The following CFHR5 variants were observed in gnomAD, a reference collection of about 807,000 sequenced individuals.
The protein encoded by CFHR5 is complement factor H-related protein 5.
In CFHR5, 73 loss-of-function variants were observed where a neutral mutation model predicts 62.9. The ratio of observed to expected loss-of-function variants is 1.16; its 90% CI spans 0.96 to 1.41. The LOEUF (loss-of-function observed/expected upper bound fraction) is 1.41, where lower values mean the gene tolerates loss of function less well. Among genes scored for constraint, CFHR5 ranks in the 40% most tolerant of loss-of-function variants. The pLI is 0.00. For missense variants in CFHR5, 779 were observed against 679.9 expected (o/e 1.15, Z -1.62); for synonymous variants, 249 against 227.2 (o/e 1.10, Z -0.86).
intron 8 of CFHR5, among the ~76,000 whole-genome samples, chr1:197,003,959 A>G (rs1053151988): frequency 6.6e-6 from 1 of 152,152 alleles, no homozygotes; most frequent in African/African-American, 2.4e-5. Context: ...GTCATCATGA[A>G]GAAGTCAATC....
intron 1 of CFHR5, among the ~76,000 whole-genome samples, chr1:196,982,567 G>A (rs894057821): frequency 1.3e-5 from 2 of 152,046 alleles, no homozygotes; most frequent in Non-Finnish European, 2.9e-5. Context: ...CAGGTACTCA[G>A]GAGGCTGAGG....
chr1:196,993,967 A>AAT, intron 3 of CFHR5, 113 bp from the exon 4 acceptor site: 1 of 811,530 alleles, frequency 1.2e-6, no homozygotes, highest in Non-Finnish European at 2.0e-6. Flanking sequence ...CGAAGGCAAG[A>AAT]ATATATTTTA....
At chr1:196,998,933 G>C (rs577348142) in intron 7 of CFHR5, among the ~76,000 whole-genome samples, 2 of 151,998 alleles carry the variant, frequency 1.3e-5, no homozygotes, top group African/African-American at 4.8e-5. Flanking sequence ...CATCAGCAAC[G>C]TCAAAAGCCG....
chr1:196,994,569 C>T (rs573200976), intron 4 of CFHR5, among the ~76,000 whole-genome samples: 23 of 152,074 alleles, frequency 1.5e-4, no homozygotes, highest in African/African-American at 5.1e-4. Context: ...AAATATTGTA[C>T]GAACAATGTT....
intron 1 of CFHR5, among the ~76,000 whole-genome samples, chr1:196,979,252 TTGTCTGTG>T (rs1653473980): frequency 9.9e-6 from 1 of 100,932 alleles, no homozygotes; most frequent in Non-Finnish European, 1.8e-5. Context: ...ATATAGGTAA[TTGTCTGTG>T]TGTGTGTGTG....
upstream of CFHR5, among the ~76,000 whole-genome samples, chr1:196,975,201 T>C (rs567937687): frequency 1.1e-3 from 162 of 152,288 alleles, no homozygotes; most frequent in South Asian, 0.015. Context: ...AAGAAGGCAT[T>C]GGTGACTGTT....
intron 3 of CFHR5, among the ~76,000 whole-genome samples, chr1:196,989,932 CT>C (rs1653797901): frequency 6.6e-6 from 1 of 151,956 alleles, no homozygotes; most frequent in Non-Finnish European, 1.5e-5. Context: ...CCTTGTTAAC[CT>C]TTTGTCTCAT....
In CFHR5 at chr1:196,985,397, T is replaced by C. The variant is rs574297260; in HGVS notation, c.430+1260T>C. 2.6e-5 allele frequency among the ~76,000 whole-genome samples: 4 copies of C among 151,692 alleles called. No homozygotes were observed. In the South Asian group the frequency reaches 8.3e-4, roughly 32 times the overall value. ...GAAATTTAAACCTCTAGAAATGGAG[T>C]CTTTTTAAAACAGCTGGAACTGCGA... On this transcript the variant is annotated intron_variant, in intron 3 of 9. Coordinates refer to ENST00000256785, the MANE Select transcript of CFHR5 (RefSeq NM_030787.4).
intron 6 of CFHR5, among the ~76,000 whole-genome samples, chr1:196,997,868 C>T (rs1447397535): frequency 2.0e-5 from 3 of 152,120 alleles, no homozygotes; most frequent in Admixed American, 6.6e-5. Context: ...ATCTTTCAGT[C>T]AAAACTCCCA....
intron 9 of CFHR5, among the ~76,000 whole-genome samples, chr1:197,007,422 T>C (rs1654316790): frequency 1.3e-5 from 2 of 151,958 alleles, no homozygotes; most frequent in South Asian, 2.1e-4. Flanking sequence ...GAAAAACATA[T>C]GGCAAACATG....
chr1:196,988,851 C>A (rs886772622), intron 3 of CFHR5, among the ~76,000 whole-genome samples: 10 of 152,038 alleles, frequency 6.6e-5, no homozygotes, highest in African/African-American at 2.2e-4. Context: ...TGTGTCTCTG[C>A]CAGTCTTTGG....
rs887005099 is a variant in CFHR5 at position 196,999,657 on chromosome 1, C to T, written c.1147+1353C>T. On this transcript the variant is annotated intron_variant, in intron 7 of 9. Coordinates refer to ENST00000256785, the MANE Select transcript of CFHR5 (RefSeq NM_030787.4). ...TTTAGAATGATGTGGCATTCATAGT[C>T]TTAAACTTATCTATTTTGGGAAAAA... Among the ~76,000 whole-genome samples the T allele has an allele frequency of 5.4e-4, 76 of 141,644 alleles. 1 individual carries two copies. Among genetic ancestry groups the T allele is most frequent in the African/African-American group, 1.9e-3 (74 of 38,038 alleles). The allele number at this position is 141,644 out of a possible 152,430, so 92.9% of individuals were successfully genotyped here. A position where few individuals can be genotyped will look rare whatever the true frequency, so the allele number is the denominator to read the frequency against.
intron 3 of CFHR5, among the ~76,000 whole-genome samples, chr1:196,989,702 G>T (rs1286468613): frequency 6.6e-6 from 1 of 151,984 alleles, no homozygotes; most frequent in Non-Finnish European, 1.5e-5. Flanking sequence ...CTTAATCCTG[G>T]GTTCTAACTT....
intron 3 of CFHR5, 79 bp downstream of exon 3, chr1:196,984,216 A>T (rs1653622790): frequency 4.9e-6 from 6 of 1,233,710 alleles, no homozygotes; most frequent in Non-Finnish European, 7.0e-6. Context: ...AATATAGGTT[A>T]AATATAGGTT....
intron 4 of CFHR5, 129 bp downstream of exon 4, chr1:196,994,385 C>A: frequency 5.3e-6 from 4 of 761,776 alleles, no homozygotes; most frequent in South Asian, 3.2e-5. Context: ...AGAAAGGATG[C>A]AGTTCTATAG....
chr1:196,994,598 A>G (rs975237373), intron 4 of CFHR5, among the ~76,000 whole-genome samples: 1 of 152,220 alleles, frequency 6.6e-6, no homozygotes, highest in Non-Finnish European at 1.5e-5. Flanking sequence ...TTAAGTAATT[A>G]AGAAAATAAG....
At chr1:196,980,646 A>G (rs1653517349) in intron 1 of CFHR5, among the ~76,000 whole-genome samples, 1 of 151,652 alleles carries the variant, frequency 6.6e-6, no homozygotes, top group Non-Finnish European at 1.5e-5. Flanking sequence ...GAAGAAATAT[A>G]TTCACAGTAT....
rs1175095882 is a variant in CFHR5 at position 196,982,938 on chromosome 1, G to T, written c.112G>T (p.Asp38Tyr). 2 of 1,614,110 alleles carry T rather than the reference G, an allele frequency of 1.2e-6. No homozygotes were observed. The highest frequency in any genetic ancestry group is 3.3e-5 in the Admixed American group (2 of 60,020). The change falls in exon 2 of 10, where the codon GAT becomes TAT. Residue 38 changes from aspartate (D) to tyrosine (Y), a missense_variant. Physicochemically the swap from Asp to Tyr is radical, Grantham distance 160. Coordinates refer to ENST00000256785, the MANE Select transcript of CFHR5 (RefSeq NM_030787.4). ...IHHGFLYDEE[D>Y]YNPFSQVPTG... ...CCATGGATTTCTGTATGATGAAGAA[G>T]ATTATAACCCTTTTTCCCAAGTTCC...
At position 196,979,677 on chromosome 1, in the gene CFHR5, A is replaced by G. The variant is rs1653488050; in HGVS notation, c.58+1955A>G. 2.0e-5 allele frequency among the ~76,000 whole-genome samples: 3 copies of G among 152,076 alleles called. 1 individual carries two copies. In the South Asian group the frequency reaches 6.2e-4, roughly 32 times the overall value. On this transcript the variant is annotated intron_variant, in intron 1 of 9. Coordinates refer to ENST00000256785, the MANE Select transcript of CFHR5 (RefSeq NM_030787.4). ...ATGAAGGCTTAGCACATTACCATAC[A>G]CTACTGTAAACTTCATGAACACTGA...
Sources: gnomAD v4.1 joint callset for allele counts (sites outside exome capture counted in the v4.1 genomes callset) on GRCh38, gnomAD v4.1.1 for gene constraint, MANE v1.5 for transcripts, NCBI Gene and HGNC (gene_info 2026-07-23, HGNC 2026-07-21) for gene names.